XKRX: variants seen among roughly 807,000 people sequenced by gnomAD.
XKRX encodes the protein XK-related protein 2.
In XKRX, 11 loss-of-function variants were observed where a neutral mutation model predicts 22.4. That is an observed-to-expected ratio of 0.49 (90% CI 0.31 to 0.81). XKRX has a LOEUF of 0.81. Ranked by LOEUF, XKRX falls within the 40% of genes least tolerant of loss-of-function variation. The pLI is 0.05. For missense variants in XKRX, 320 were observed against 336.5 expected (o/e 0.95, Z 0.38); for synonymous variants, 114 against 132.2 (o/e 0.86, Z 0.94).
At chrX:100,898,387 C>T in the XKRX span, among the ~76,000 whole-genome samples, 6 of 108,645 alleles carry the variant, frequency 5.5e-5, no homozygotes, top group African/African-American at 2.0e-4. Context: ...CAAGGGCTTG[C>T]CTTTTTTTTT....
downstream of XKRX, among the ~76,000 whole-genome samples, chrX:100,911,875 C>T (rs777135714): frequency 1.8e-5 from 2 of 111,415 alleles, no homozygotes; most frequent in South Asian, 7.6e-4. Context: ...AGGTCAGAAA[C>T]TACTCCACAC....
chrX:100,897,384 A>T, the XKRX span, among the ~76,000 whole-genome samples: 1 of 109,768 alleles, frequency 9.1e-6, no homozygotes, highest in Admixed American at 9.9e-5. Context: ...CAGGAGTTCA[A>T]GACTAGCCTG....
At chrX:100,893,467 T>C in the XKRX span, among the ~76,000 whole-genome samples, 8 of 111,777 alleles carry the variant, frequency 7.2e-5, no homozygotes, top group East Asian at 2.2e-3. Flanking sequence ...ACTGTATATC[T>C]ATCCAAAGGA....
chrX:100,903,057 C>A, the XKRX span, among the ~76,000 whole-genome samples: 1 of 107,703 alleles, frequency 9.3e-6, no homozygotes, highest in Non-Finnish European at 1.9e-5. Flanking sequence ...CCAAGAACAT[C>A]TATTTAAAAA....
At chrX:100,925,185 G>A (rs984492311) in intron 1 of XKRX, among the ~76,000 whole-genome samples, 2 of 112,206 alleles carry the variant, frequency 1.8e-5, no homozygotes, top group East Asian at 2.8e-4. Context: ...GAAATGTTCC[G>A]TTTACATTTA....
intron 2 of XKRX, among the ~76,000 whole-genome samples, chrX:100,919,442 A>G (rs1296945909): frequency 1.8e-5 from 2 of 112,245 alleles, no homozygotes; most frequent in Non-Finnish European, 3.8e-5. Flanking sequence ...CACGTATGAC[A>G]TGTATATACA....
the XKRX span, among the ~76,000 whole-genome samples, chrX:100,904,244 C>A: frequency 9.0e-6 from 1 of 111,228 alleles, no homozygotes; most frequent in Non-Finnish European, 1.9e-5. Flanking sequence ...ATGGTCTTTT[C>A]AACAAATAAT....
chrX:100,899,873 A>G, the XKRX span, among the ~76,000 whole-genome samples: 1 of 112,242 alleles, frequency 8.9e-6, no homozygotes, highest in Admixed American at 9.5e-5. Context: ...ATTGAAAAAT[A>G]TCCCATGTTT....
In XKRX at chrX:100,914,927, C is replaced by T. The variant is rs1302384493; in HGVS notation, c.761G>A (p.Arg254His). ...TGAGAAGAGCACCAGAATCAGGAGG[C>T]GGGAAGTGATCTCCAATGTCCGCCA... ...TIWRTLEITS[R>H]LLILVLFSAT... The change falls in exon 3 of 3, where the codon CGC (arginine) becomes CAC (histidine). Residue 254 changes from arginine (R) to histidine (H), a missense_variant. Physicochemically the swap from Arg to His is conservative, Grantham distance 29. Coordinates refer to ENST00000372956, the MANE Select transcript of XKRX (RefSeq NM_212559.3). The T allele has an allele frequency of 5.0e-6, 6 of 1,209,758 alleles. No homozygotes were observed. The highest frequency in any genetic ancestry group is 3.0e-5 in the East Asian group (1 of 33,758).
chrX:100,909,990 C>T (rs2085401816), downstream of XKRX, among the ~76,000 whole-genome samples: 1 of 104,464 alleles, frequency 9.6e-6, no homozygotes, highest in Non-Finnish European at 1.9e-5. Flanking sequence ...TAAATATAAG[C>T]TATTATTTAG....
chrX:100,945,101 A>G, the XKRX span, among the ~76,000 whole-genome samples: 1 of 108,952 alleles, frequency 9.2e-6, no homozygotes. Flanking sequence ...TTTTTAAGAC[A>G]AGTTCTTGCT....
At chrX:100,954,316 G>A in the XKRX span, among the ~76,000 whole-genome samples, 3 of 110,478 alleles carry the variant, frequency 2.7e-5, no homozygotes, top group Non-Finnish European at 3.8e-5. Flanking sequence ...CTACTTGGGA[G>A]CCTGAGGCAG....
chrX:100,912,935 T>C (rs906459997), downstream of XKRX, among the ~76,000 whole-genome samples: 1 of 111,877 alleles, frequency 8.9e-6, no homozygotes, highest in African/African-American at 3.2e-5. Context: ...AGGTGGCTCA[T>C]GCCTGTAATC....
intron 1 of XKRX, among the ~76,000 whole-genome samples, chrX:100,924,471 C>A (rs1370594893): frequency 9.0e-6 from 1 of 111,092 alleles, no homozygotes; most frequent in Admixed American, 9.6e-5. Flanking sequence ...CTGCTCTGCC[C>A]CTCCCACCTC....
At chrX:100,917,202 T>C (rs2085440718) in intron 2 of XKRX, among the ~76,000 whole-genome samples, 1 of 111,084 alleles carries the variant, frequency 9.0e-6, no homozygotes, top group African/African-American at 3.3e-5. Flanking sequence ...CGAGAATCAC[T>C]TGAACCCACG....
chrX:100,907,373 T>C, the XKRX span, among the ~76,000 whole-genome samples: 1 of 110,785 alleles, frequency 9.0e-6, no homozygotes, highest in Non-Finnish European at 1.9e-5. Context: ...TTTTTCTTTT[T>C]CTTTTTAGTA....
In XKRX at chrX:100,914,145, T is replaced by C. The variant is rs1569453842; in HGVS notation, c.*193A>G. The C allele has an allele frequency of 6.1e-6, 3 of 493,902 alleles. No individual in the cohort carries two copies. The African/African-American group carries it at 7.1e-5, about 12-fold the overall frequency. The allele number at this position is 493,902 out of a possible 1,213,427, so 40.7% of individuals were successfully genotyped here. A position where few individuals can be genotyped will look rare whatever the true frequency, so the allele number is the denominator to read the frequency against. On this transcript the variant is annotated 3_prime_UTR_variant, in exon 3 of 3. Coordinates refer to ENST00000372956, the MANE Select transcript of XKRX (RefSeq NM_212559.3). ...TTTCAACTATATAGTCGATACCCCC[T>C]GTTTCCAAACATAGTGGTAACTCTT...
chrX:100,938,931 C>T, the XKRX span, among the ~76,000 whole-genome samples: 1 of 111,915 alleles, frequency 8.9e-6, no homozygotes, highest in Non-Finnish European at 1.9e-5. Flanking sequence ...CAATAAAGAA[C>T]TGCTAAAATA....
intron 1 of XKRX, among the ~76,000 whole-genome samples, chrX:100,925,692 T>C (rs1308594359): frequency 8.9e-6 from 1 of 112,028 alleles, no homozygotes; most frequent in Non-Finnish European, 1.9e-5. Context: ...TATTTGCTCC[T>C]GTAGTCACAA....
Sources: allele counts gnomAD v4.1 joint callset (sites outside exome capture counted in the v4.1 genomes callset), GRCh38; gene constraint gnomAD v4.1.1; transcripts MANE v1.5; gene names NCBI Gene and HGNC (gene_info 2026-07-23, HGNC 2026-07-21).